DPYSL5: variants seen among roughly 807,000 people sequenced by gnomAD.
DPYSL5 encodes dihydropyrimidinase like 5, also known as dihydropyrimidinase-related protein 5.
Under a neutral mutation model 58.4 loss-of-function variants are expected in DPYSL5, and 9 were observed. The observed-to-expected ratio is 0.15, with a 90% CI of 0.09 to 0.27. The LOEUF (loss-of-function observed/expected upper bound fraction) is 0.27, where lower values mean the gene tolerates loss of function less well. DPYSL5 is among the 10% of genes least tolerant of loss of function. The pLI, the probability that DPYSL5 is intolerant of heterozygous loss-of-function variation, is 1.00. For missense variants in DPYSL5, 499 were observed against 770.6 expected, an observed-to-expected ratio of 0.65 and a Z score of 4.17; for synonymous variants, 293 against 301.9, an observed-to-expected ratio of 0.97 and a Z score of 0.31.
At chr2:26,880,501 C>A (rs1394559463) in intron 1 of DPYSL5, among the ~76,000 whole-genome samples, 1 of 152,218 alleles carries the variant, frequency 6.6e-6, no homozygotes, top group Non-Finnish European at 1.5e-5. Context: ...AGAGCCTCGA[C>A]CTCTTGCTCT....
chr2:26,932,208 A>AAAAGAAAGAAAG (rs144602360), intron 6 of DPYSL5, among the ~76,000 whole-genome samples: 5 of 70,170 alleles, frequency 7.1e-5, no homozygotes, highest in African/African-American at 2.9e-4. Flanking sequence ...AGAAAGAAAG[A>AAAAGAAAGAAAG]AAAGAAAGAA....
chr2:26,849,993 G>A lies in DPYSL5; in HGVS notation c.-5+1739G>A, dbSNP rs1192030824. ...GGCGGCGACGCAGGTGCCAAAGACTGGAGGTCGCCTCGGTGCAGCGCGGGT... is the reference window on the plus strand; with the variant it reads ...GGCGGCGACGCAGGTGCCAAAGACTAGAGGTCGCCTCGGTGCAGCGCGGGT... On this transcript the variant is annotated intron_variant, in intron 1 of 12. Transcript: ENST00000288699. The surrounding 1 kb of genome is among the most constrained non-coding windows in gnomAD (Gnocchi z 6.2). Among the ~76,000 whole-genome samples the A allele has an allele frequency of 3.3e-5, 5 of 152,230 alleles. No homozygotes were observed. The highest frequency in any genetic ancestry group is 1.2e-4 in the African/African-American group (5 of 41,460).
intron 1 of DPYSL5, among the ~76,000 whole-genome samples, chr2:26,892,861 C>T (rs1468740127): frequency 6.6e-6 from 1 of 151,588 alleles, no homozygotes; most frequent in Non-Finnish European, 1.5e-5. Flanking sequence ...GAACCAAAGC[C>T]ATTTTCTTAT....
chr2:26,883,287 TG>T lies in DPYSL5; in HGVS notation c.-4-15208del, dbSNP rs1459881063. ...TTTCTGATTATCATTTCCTTGTTTT[TG>T]TTTTGCCATGGTTTTAGCACTAGAT... is the stretch of plus-strand genomic sequence containing the variant. On this transcript the variant is annotated intron_variant, in intron 1 of 12. Transcript: ENST00000288699. 5.9e-5 allele frequency among the ~76,000 whole-genome samples: 9 copies of T among 152,322 alleles called. No individual in the cohort carries two copies. The South Asian group carries it at 1.9e-3, about 32-fold the overall frequency.
intron 12 of DPYSL5, among the ~76,000 whole-genome samples, chr2:26,945,025 C>T (rs573192095): frequency 3.9e-4 from 60 of 152,248 alleles, no homozygotes; most frequent in African/African-American, 1.3e-3. Flanking sequence ...TGGGCACAGA[C>T]GCTCTAATAG....
rs554140515 is a variant in DPYSL5 at position 26,934,096 on chromosome 2, G to A, written c.791-482G>A. Among the ~76,000 whole-genome samples the A allele has an allele frequency of 4.6e-5, 7 of 152,226 alleles. No homozygotes were observed. In the East Asian group the frequency reaches 1.4e-3, roughly 29 times the overall value. ...TCGCCTAGACTGTCGTCCCAGCCTG[G>A]TGACTGCTCCCACCTCCTGTCTCCC... is the stretch of plus-strand genomic sequence containing the variant. On this transcript the variant is annotated intron_variant, in intron 7 of 12. Coordinates refer to ENST00000288699, the MANE Select transcript of DPYSL5 (RefSeq NM_020134.4). This position sits in a 1 kb window ranked among gnomAD's most constrained non-coding sequence, Gnocchi z 4.3.
chr2:26,886,550 C>T (rs1021384925), intron 1 of DPYSL5, among the ~76,000 whole-genome samples: 3 of 152,162 alleles, frequency 2.0e-5, no homozygotes, highest in Non-Finnish European at 4.4e-5. Flanking sequence ...TAAATCTACT[C>T]AATAGTTGAT....
chr2:26,887,708 G>GATAGCA (rs1663755482), intron 1 of DPYSL5, among the ~76,000 whole-genome samples: 1 of 148,004 alleles, frequency 6.8e-6, no homozygotes, highest in Admixed American at 6.6e-5. Context: ...ACAGTGGTTG[G>GATAGCA]ATAGCAATAA....
At chr2:26,929,714 T>G (rs1370842191) in intron 5 of DPYSL5, among the ~76,000 whole-genome samples, 3 of 152,158 alleles carry the variant, frequency 2.0e-5, no homozygotes, top group African/African-American at 7.2e-5. Flanking sequence ...AAGTCTATGC[T>G]CCTCCCCCTC....
chr2:26,948,380 A>C lies in DPYSL5; in HGVS notation c.*1385A>C, dbSNP rs1431365997. The C allele has an allele frequency of 6.6e-6, 1 of 152,340 alleles. No homozygotes were observed. Among genetic ancestry groups the C allele is most frequent in the Non-Finnish European group, 1.5e-5 (1 of 68,168 alleles). The allele number at this position is 152,340 out of a possible 1,614,324, so 9.4% of individuals were successfully genotyped here. ...TCCAGGTGGGCCCTCCCTGCTTCTA[A>C]AGCCCCACAGAAGTTCCCATGGAAA... On this transcript the variant is annotated 3_prime_UTR_variant, in exon 13 of 13. Transcript: ENST00000288699.
At position 26,910,125 on chromosome 2, in the gene DPYSL5, T is replaced by C. The variant is rs567025126; in HGVS notation, c.261+11365T>C. On this transcript the variant is annotated intron_variant, in intron 2 of 12. Coordinates refer to ENST00000288699, the MANE Select transcript of DPYSL5 (RefSeq NM_020134.4). ...GGAGCAATGCGATATGCATTCCTTT[T>C]TTTGTCTGGTTTCTTTCGCTCAGTA... 7.2e-5 allele frequency among the ~76,000 whole-genome samples: 11 copies of C among 152,364 alleles called. No individual in the cohort carries two copies. In the East Asian group the frequency reaches 2.1e-3, roughly 29 times the overall value.
At chr2:26,915,119 C>T (rs1191534240) in intron 2 of DPYSL5, among the ~76,000 whole-genome samples, 1 of 152,116 alleles carries the variant, frequency 6.6e-6, no homozygotes, top group Non-Finnish European at 1.5e-5. Context: ...TTTACAGCTG[C>T]AGCCCAGCCA....
chr2:26,880,450 C>T (rs557388900), intron 1 of DPYSL5, among the ~76,000 whole-genome samples: 27 of 152,332 alleles, frequency 1.8e-4, no homozygotes, highest in Non-Finnish European at 3.2e-4. Flanking sequence ...GGATCCTGCT[C>T]CCGCTGTGCC....
At chr2:26,932,212 G>GACAGAAAGA (rs1665048828) in intron 6 of DPYSL5, among the ~76,000 whole-genome samples, 4 of 58,524 alleles carry the variant, frequency 6.8e-5, no homozygotes, top group Non-Finnish European at 1.4e-4. Flanking sequence ...AGAAAGAAAA[G>GACAGAAAGA]AAAGAAAGAA....
intron 1 of DPYSL5, among the ~76,000 whole-genome samples, chr2:26,892,610 G>A (rs1034482982): frequency 1.3e-5 from 2 of 151,968 alleles, no homozygotes; most frequent in Non-Finnish European, 2.9e-5. Flanking sequence ...GCTGAAGCTG[G>A]AGGATTGCTT....
In DPYSL5 at chr2:26,931,999, ACT is replaced by A. The variant is rs543600030; in HGVS notation, c.714+318_714+319del. Among the ~76,000 whole-genome samples the A allele has an allele frequency of 6.9e-3, 534 of 77,376 alleles. 5 individuals are homozygous for A. The highest frequency in any genetic ancestry group is 0.01 in the Non-Finnish European group (401 of 39,672). 50.8% of individuals were successfully genotyped at this position (77,376 alleles called of 152,430 possible). ...AATCTGTCCTGGGTGACTGAGCGAG[ACT>A]CTGTCAAAAAAAAAAAAAAAAAAAG... is the stretch of plus-strand genomic sequence containing the variant. On this transcript the variant is annotated intron_variant, in intron 6 of 12. Coordinates refer to ENST00000288699, the MANE Select transcript of DPYSL5 (RefSeq NM_020134.4).
chr2:26,922,740 A>G (rs777301202), intron 2 of DPYSL5, among the ~76,000 whole-genome samples: 5 of 152,240 alleles, frequency 3.3e-5, no homozygotes, highest in Non-Finnish European at 7.3e-5. Context: ...AAAATAGAGT[A>G]CAACCACCTG....
At chr2:26,888,468 C>T (rs1157727648) in intron 1 of DPYSL5, among the ~76,000 whole-genome samples, 1 of 152,010 alleles carries the variant, frequency 6.6e-6, no homozygotes, top group Non-Finnish European at 1.5e-5. Context: ...ACGGGGGTTT[C>T]ACTATATTAT....
rs1161770394 is a variant in DPYSL5 at position 26,931,201 on chromosome 2, G to GTATATA, written c.670-438_670-437insATATAT. ...TGTGTGTGTGTGTGTGTGTGTGTGT[G>GTATATA]TGTATATATATATATATATATATAT... On this transcript the variant is annotated intron_variant, in intron 5 of 12. Coordinates refer to ENST00000288699, the MANE Select transcript of DPYSL5 (RefSeq NM_020134.4). Among the ~76,000 whole-genome samples, 49 of 54,556 alleles carry GTATATA rather than the reference G, an allele frequency of 9.0e-4. 1 individual carries two copies. In the East Asian group the frequency reaches 0.013, roughly 15 times the overall value. The allele number at this position is 54,556 out of a possible 152,430, so 35.8% of individuals were successfully genotyped here. A position where few individuals can be genotyped will look rare whatever the true frequency, so the allele number is the denominator to read the frequency against.
Sources: allele counts gnomAD v4.1 joint callset (sites outside exome capture counted in the v4.1 genomes callset), GRCh38; gene constraint gnomAD v4.1.1; non-coding constraint Gnocchi (gnomAD v3.1); transcripts MANE v1.5; gene names NCBI Gene and HGNC (gene_info 2026-07-23, HGNC 2026-07-21).